FBN1: variants seen among roughly 807,000 people sequenced by gnomAD.
FBN1 encodes the protein fibrillin-1.
In FBN1, 29 loss-of-function variants were observed where a neutral mutation model predicts 365.1. The ratio of observed to expected loss-of-function variants is 0.08; its 90% CI spans 0.06 to 0.11. The LOEUF is 0.11. Among genes scored for constraint, FBN1 ranks in the 10% least tolerant of loss-of-function variants. The probability of loss-of-function intolerance (pLI) is 1.00; values close to 1 mark genes in which losing one functional copy is unlikely to be tolerated. For synonymous variants in FBN1, 1,210 were observed against 1,270.5 expected (o/e 0.95, Z 1.01); for missense variants, 2,476 against 3,703.2 (o/e 0.67, Z 8.60).
chr15:48,444,742 A>C, intron 48 of FBN1, 82 bp from the exon 49 acceptor site: 1 of 1,468,580 alleles, frequency 6.8e-7, no homozygotes, highest in Non-Finnish European at 9.5e-7. Flanking sequence ...AAAAACTAGA[A>C]TGAATCAAAG....
At chr15:48,610,686 C>A in intron 4 of FBN1, 42 bp downstream of exon 4, 1 of 1,453,788 alleles carries the variant, frequency 6.9e-7, no homozygotes, top group Non-Finnish European at 9.6e-7. Context: ...TGGGGTATAA[C>A]CACATAAAAT....
chr15:48,570,399 T>A (rs183494611), intron 6 of FBN1, among the ~76,000 whole-genome samples: 1 of 151,932 alleles, frequency 6.6e-6, no homozygotes, highest in Non-Finnish European at 1.5e-5. Flanking sequence ...AAAGGATGTA[T>A]ACACATACAT....
intron 57 of FBN1, 98 bp from the exon 58 acceptor site, chr15:48,427,871 T>A: frequency 9.6e-7 from 1 of 1,039,600 alleles, no homozygotes; most frequent in Non-Finnish European, 1.5e-6. Context: ...AAAAAGGATG[T>A]AACACTTTAC....
intron 45 of FBN1, among the ~76,000 whole-genome samples, chr15:48,451,444 T>C (rs2043200473): frequency 6.6e-6 from 1 of 152,176 alleles, no homozygotes; most frequent in Non-Finnish European, 1.5e-5. Flanking sequence ...TCCTTTAAAC[T>C]CAACAAAACA....
chr15:48,534,722 C>T (rs2044000872), intron 7 of FBN1, among the ~76,000 whole-genome samples: 1 of 152,176 alleles, frequency 6.6e-6, no homozygotes, highest in African/African-American at 2.4e-5. Context: ...TGTTTTTGCG[C>T]AAATGAAGTG....
intron 13 of FBN1, among the ~76,000 whole-genome samples, chr15:48,511,408 C>T (rs1235763951): frequency 6.6e-6 from 1 of 151,952 alleles, no homozygotes; most frequent in Non-Finnish European, 1.5e-5. Context: ...GTAAAAACCA[C>T]ATATTCTTGA....
intron 6 of FBN1, among the ~76,000 whole-genome samples, chr15:48,559,442 G>C (rs1161378199): frequency 6.6e-6 from 1 of 152,134 alleles, no homozygotes; most frequent in Admixed American, 6.6e-5. Context: ...AGAGGAGTCT[G>C]ACTCAAGTAA....
chr15:48,472,155 T>C (rs1397315339), intron 35 of FBN1, among the ~76,000 whole-genome samples: 1 of 152,238 alleles, frequency 6.6e-6, no homozygotes, highest in Non-Finnish European at 1.5e-5. Flanking sequence ...TATTTAGTGA[T>C]AATCCCACAA....
At chr15:48,613,954 T>G (rs2044676582) in intron 2 of FBN1, among the ~76,000 whole-genome samples, 1 of 152,156 alleles carries the variant, frequency 6.6e-6, no homozygotes, top group African/African-American at 2.4e-5. Context: ...GGAAACACAC[T>G]TGATAACAGC....
Position 48,565,858 on chromosome 15 carries a change from C to T in FBN1, c.539-28050G>A, listed in dbSNP as rs532639245. Among the ~76,000 whole-genome samples the T allele has an allele frequency of 2.0e-5, 3 of 152,186 alleles. No homozygotes were observed. In the South Asian group the frequency reaches 6.2e-4, roughly 32 times the overall value. On this transcript the variant is annotated intron_variant, in intron 6 of 65. Transcript: ENST00000316623. ...TAAATTCCTGGGGCAAGAGTCTGTT[C>T]TTAAATTGAATTGAATAATGGCATC...
chr15:48,629,481 G>C (rs1889946273), intron 2 of FBN1, among the ~76,000 whole-genome samples: 1 of 152,044 alleles, frequency 6.6e-6, no homozygotes, highest in Admixed American at 6.5e-5. Flanking sequence ...GACTCAATTA[G>C]GAAATTTTAA....
rs118109764 is a variant in FBN1 at position 48,497,071 on chromosome 15, G to A, written c.2293+195C>T. On this transcript the variant is annotated intron_variant, in intron 19 of 65. Coordinates refer to ENST00000316623, the MANE Select transcript of FBN1 (RefSeq NM_000138.5). ...TTTCAAGGAGTGAATCTGATACATC[G>A]TTATTCATAAACTGTGAAGATTCAG... Among the ~76,000 whole-genome samples the A allele has an allele frequency of 5.1e-3, 776 of 152,204 alleles. 1 individual carries two copies. The highest frequency in any genetic ancestry group is 9.0e-3 in the Non-Finnish European group (615 of 68,006).
In FBN1 at chr15:48,420,590, G is replaced by T; in HGVS notation, c.7819+97C>A. On this transcript the variant is annotated intron_variant, in intron 63 of 65. Transcript: ENST00000316623. ...GGGCAATTTTAAATGAGTATTTGTT[G>T]CTTCAATAACACATTTACAGCTTCA... 7 of 1,505,668 alleles carry T rather than the reference G, an allele frequency of 4.6e-6. No homozygotes were observed. In the South Asian group the frequency reaches 6.8e-5, roughly 15 times the overall value. 93.3% of individuals were successfully genotyped at this position (1,505,668 alleles called of 1,614,324 possible).
Position 48,613,060 on chromosome 15 carries a change from T to A in FBN1, c.197A>T (p.Tyr66Phe), listed in dbSNP as rs774371494. ...PNVCGSRYNAYCCPGWKTLPG... is the reference protein window; with the variant it reads ...PNVCGSRYNAFCCPGWKTLPG... ...TAAGGTTTTCCATCCAGGGCAACAG[T>A]AAGCATTATAACGTGATCCACAGAC... Residue 66 changes from tyrosine (Y) to phenylalanine (F), a missense_variant, in exon 3 of 66, where the codon TAC (tyrosine) becomes TTC (phenylalanine). Physicochemically the swap from Tyr to Phe is conservative, Grantham distance 22. Coordinates refer to ENST00000316623, the MANE Select transcript of FBN1 (RefSeq NM_000138.5). 3 of 1,613,504 alleles carry A rather than the reference T, an allele frequency of 1.9e-6. No individual in the cohort carries two copies. In the South Asian group the frequency reaches 3.3e-5, roughly 18 times the overall value.
At chr15:48,472,315 C>A (rs929265149) in intron 35 of FBN1, among the ~76,000 whole-genome samples, 1 of 152,150 alleles carries the variant, frequency 6.6e-6, no homozygotes, top group Non-Finnish European at 1.5e-5. Context: ...CCCTTGCAGA[C>A]CATGCGGCCA....
intron 14 of FBN1, among the ~76,000 whole-genome samples, chr15:48,509,299 T>C (rs2043739197): frequency 6.6e-6 from 1 of 151,800 alleles, no homozygotes; most frequent in Non-Finnish European, 1.5e-5. Flanking sequence ...GATGGTTCTT[T>C]AAATTCATCA....
At position 48,425,876 on chromosome 15, in the gene FBN1, C is replaced by T; in HGVS notation, c.7205-12G>A. On this transcript the variant is annotated splice_polypyrimidine_tract_variant and intron_variant, in intron 58 of 65. Transcript: ENST00000316623. The stretch of plus-strand genomic sequence containing the variant: ...GCATTCATCGATATCTGTAATTTAA[C>T]AAATATAAATTAAGAAATATATCAT... 6.3e-7 allele frequency: 1 copy of T among 1,593,940 alleles called. No individual in the cohort carries two copies. Among genetic ancestry groups the T allele is most frequent in the Non-Finnish European group, 8.6e-7 (1 of 1,162,308 alleles).
At chr15:48,558,126 T>G (rs2044196010) in intron 6 of FBN1, among the ~76,000 whole-genome samples, 1 of 152,214 alleles carries the variant, frequency 6.6e-6, no homozygotes, top group Admixed American at 6.6e-5. Context: ...ATTTGAGGTC[T>G]CCTTGTTCCA....
At chr15:48,643,979 C>G (rs1890243879) in intron 2 of FBN1, 1 of 152,910 alleles carries the variant, frequency 6.5e-6, no homozygotes, top group Admixed American at 6.5e-5. Flanking sequence ...TCCCTTAAGG[C>G]CGGCCACAGC....
Sources: gnomAD v4.1 joint callset for allele counts (sites outside exome capture counted in the v4.1 genomes callset) on GRCh38, gnomAD v4.1.1 for gene constraint, MANE v1.5 for transcripts, NCBI Gene and HGNC (gene_info 2026-07-23, HGNC 2026-07-21) for gene names.